The following AGA variants were observed in gnomAD, a reference collection of about 807,000 sequenced individuals.
AGA encodes aspartylglucosaminidase, also known as N(4)-(beta-N-acetylglucosaminyl)-L-asparaginase.
Under a neutral mutation model 40.1 loss-of-function variants are expected in AGA, and 31 were observed. The ratio of observed to expected loss-of-function variants is 0.77; its 90% confidence interval spans 0.58 to 1.04. The LOEUF (loss-of-function observed/expected upper bound fraction) is 1.04, where lower values mean the gene tolerates loss of function less well. Ranked by LOEUF, AGA falls within the 50% of genes least tolerant of loss-of-function variation. The pLI is 0.00. For missense variants in AGA, 445 were observed against 435.4 expected (o/e 1.02, Z -0.20); for synonymous variants, 148 against 144.0 (o/e 1.03, Z -0.20).
At chr4:177,436,837 G>A (rs377313789) in intron 5 of AGA, among the ~76,000 whole-genome samples, 2 of 152,184 alleles carry the variant, frequency 1.3e-5, no homozygotes, top group East Asian at 1.9e-4. Flanking sequence ...TTTAAGAGGC[G>A]ATTAGGCTAA....
intron 1 of AGA, among the ~76,000 whole-genome samples, chr4:177,441,792 G>A (rs2111026054): frequency 6.6e-6 from 1 of 152,218 alleles, no homozygotes; most frequent in Non-Finnish European, 1.5e-5. Context: ...ATGACAACAC[G>A]TGGCAAAAAA....
chr4:177,439,347 C>T (rs915371613), intron 3 of AGA, among the ~76,000 whole-genome samples: 3 of 152,332 alleles, frequency 2.0e-5, no homozygotes, highest in African/African-American at 7.2e-5. Flanking sequence ...CGCCATTGCA[C>T]TCCAGCCTGG....
chr4:177,440,486 G>A, intron 1 of AGA, 60 bp from the exon 2 acceptor site: 3 of 1,553,110 alleles, frequency 1.9e-6, no homozygotes, highest in Non-Finnish European at 1.7e-6. Flanking sequence ...AATGCCAAAT[G>A]CAACAAACCA....
intron 5 of AGA, 76 bp downstream of exon 5, chr4:177,437,329 T>C (rs1317981739): frequency 2.0e-6 from 2 of 1,008,798 alleles, no homozygotes; most frequent in East Asian, 2.5e-5. Flanking sequence ...CAACTTCTGG[T>C]AGAAGAATAG....
rs375737342 is a variant in AGA at position 177,442,258 on chromosome 4, T to G, written c.118A>C (p.Thr40Pro). ...VVNTWPFKNATEAAWRALASG... is the reference protein window; with the variant it reads ...VVNTWPFKNAPEAAWRALASG... Reference sequence around the variant, plus strand: ...GGCCGCCAACCCGCACCTGCTTCGGTTGCATTCTTAAAGGGCCAAGTGTTG... The same window carrying G: ...GGCCGCCAACCCGCACCTGCTTCGGGTGCATTCTTAAAGGGCCAAGTGTTG... Residue 40 changes from threonine to proline, a missense_variant, in exon 1 of 9, where the codon ACC becomes CCC. By Grantham distance (38) the Thr-to-Pro change is conservative. Coordinates refer to ENST00000264595, the MANE Select transcript of AGA (RefSeq NM_000027.4). 6.2e-7 allele frequency: 1 copy of G among 1,613,822 alleles called. No homozygotes were observed. The highest frequency in any genetic ancestry group is 1.1e-5 in the South Asian group (1 of 91,072).
Position 177,440,431 on chromosome 4 carries a change from T to TA in AGA, c.128-6dup, listed in dbSNP as rs1736960600. On this transcript the variant is annotated splice_region_variant and splice_polypyrimidine_tract_variant and intron_variant, in intron 1 of 8. Coordinates refer to ENST00000264595, the MANE Select transcript of AGA (RefSeq NM_000027.4). ...CAGATGCTAATGCCCTCCACGCTGT[T>TA]AATCAAATCCCAATAATGCTTGTTT... 6.2e-7 allele frequency: 1 copy of TA among 1,613,724 alleles called. No individual in the cohort carries two copies. Among genetic ancestry groups the TA allele is most frequent in the Admixed American group, 1.7e-5 (1 of 60,030 alleles).
intron 6 of AGA, among the ~76,000 whole-genome samples, chr4:177,435,097 G>C (rs1270513592): frequency 2.6e-5 from 4 of 150,988 alleles, no homozygotes; most frequent in Non-Finnish European, 5.9e-5. Flanking sequence ...TTTCAGTAGA[G>C]ACTGGGTTTC....
Position 177,431,651 on chromosome 4 carries a change from C to G in AGA, c.*57G>C. ...AACACTAGATGATGAGAGTGAGCAG[C>G]CTTTTCAGCCTTTGTTTCTTTCTTC... On this transcript the variant is annotated 3_prime_UTR_variant, in exon 9 of 9. Transcript: ENST00000264595. The G allele has an allele frequency of 7.1e-7, 1 of 1,412,898 alleles. No individual in the cohort carries two copies. The highest frequency in any genetic ancestry group is 1.0e-6 in the Non-Finnish European group (1 of 1,002,546). The allele number at this position is 1,412,898 out of a possible 1,614,324, so 87.5% of individuals were successfully genotyped here. A position where few individuals can be genotyped will look rare whatever the true frequency, so the allele number is the denominator to read the frequency against.
At chr4:177,440,652 T>G (rs903831948) in intron 1 of AGA, among the ~76,000 whole-genome samples, 1 of 105,408 alleles carries the variant, frequency 9.5e-6, no homozygotes. Flanking sequence ...AAGCTGAAGG[T>G]TTTTTTTTTT....
At chr4:177,439,778 T>G (rs1579044953) in intron 2 of AGA, 90 bp from the exon 3 acceptor site, 1 of 1,005,662 alleles carries the variant, frequency 9.9e-7, no homozygotes, top group East Asian at 2.4e-5. Context: ...AATAGTGTTT[T>G]GCGGTTAAAC....
At chr4:177,440,474 T>G (rs1560950924) in intron 1 of AGA, 48 bp from the exon 2 acceptor site, 1 of 1,584,224 alleles carries the variant, frequency 6.3e-7, no homozygotes. Context: ...TATTTTTTTT[T>G]CAATGCCAAA....
In AGA at chr4:177,431,666, T is replaced by C; in HGVS notation, c.*42A>G. The C allele has an allele frequency of 6.5e-7, 1 of 1,531,876 alleles. No individual in the cohort carries two copies. The highest frequency in any genetic ancestry group is 9.0e-7 in the Non-Finnish European group (1 of 1,107,016). The allele number at this position is 1,531,876 out of a possible 1,614,324, so 94.9% of individuals were successfully genotyped here. On this transcript the variant is annotated 3_prime_UTR_variant, in exon 9 of 9. Coordinates refer to ENST00000264595, the MANE Select transcript of AGA (RefSeq NM_000027.4). ...GAGTGAGCAGCCTTTTCAGCCTTTG[T>C]TTCTTTCTTCTTTAAATACAGATGT...
chr4:177,440,551 A>G (rs1400618430), intron 1 of AGA, 125 bp from the exon 2 acceptor site: 3 of 1,054,858 alleles, frequency 2.8e-6, no homozygotes, highest in South Asian at 1.5e-5. Flanking sequence ...TTTTTAACAC[A>G]TTAGTTTATC....
At chr4:177,436,206 A>AT in intron 6 of AGA, 70 bp downstream of exon 6, 2 of 1,323,630 alleles carry the variant, frequency 1.5e-6, no homozygotes, top group Non-Finnish European at 2.2e-6. Flanking sequence ...TGCAACCCCC[A>AT]TAGCACCCGG....
At chr4:177,436,066 A>C (rs1433211219) in intron 6 of AGA, among the ~76,000 whole-genome samples, 2 of 152,132 alleles carry the variant, frequency 1.3e-5, no homozygotes, top group Non-Finnish European at 2.9e-5. Flanking sequence ...CCCCAGCTTA[A>C]AGAGATCACC....
At position 177,438,832 on chromosome 4, in the gene AGA, C is replaced by T; in HGVS notation, c.420G>A (p.Gly140=). The change falls in exon 4 of 9, where the codon GGG becomes GGA. Residue 140 remains glycine, a synonymous_variant. Coordinates refer to ENST00000264595, the MANE Select transcript of AGA (RefSeq NM_000027.4). ...TGGTAGATAAGTCTTCATTGATAAACCCCATACTTTGAGCAAATGTGGTGG... is the reference window on the plus strand; with the variant it reads ...TGGTAGATAAGTCTTCATTGATAAATCCCATACTTTGAGCAAATGTGGTGG... The part of the protein sequence containing the change: ...ESATTFAQSM[G]FINEDLSTTA... 6.2e-7 allele frequency: 1 copy of T among 1,604,932 alleles called. No individual in the cohort carries two copies. The highest frequency in any genetic ancestry group is 1.1e-5 in the South Asian group (1 of 90,864).
chr4:177,434,274 A>T (rs764316544), intron 7 of AGA, 108 bp downstream of exon 7: 207 of 1,017,264 alleles, frequency 2.0e-4, no homozygotes, highest in Non-Finnish European at 2.9e-4. Context: ...AAATGCTAGG[A>T]TTACAGTCGT....
intron 1 of AGA, 137 bp downstream of exon 1, chr4:177,442,112 G>C (rs1033758523): frequency 1.2e-5 from 15 of 1,297,770 alleles, no homozygotes; most frequent in Non-Finnish European, 1.5e-5. Context: ...GGAAGACCTA[G>C]AGGGCGGGAC....
chr4:177,442,100 C>A, intron 1 of AGA, 149 bp downstream of exon 1: 1 of 1,192,462 alleles, frequency 8.4e-7, no homozygotes, highest in East Asian at 2.6e-5. Context: ...GCTGGAGACT[C>A]GGGAAGACCT....
Sources: allele counts gnomAD v4.1 joint callset (sites outside exome capture counted in the v4.1 genomes callset), GRCh38; gene constraint gnomAD v4.1.1; transcripts MANE v1.5; gene names NCBI Gene and HGNC (gene_info 2026-07-23, HGNC 2026-07-21).